The following RAET1E variants were observed in gnomAD, a reference collection of about 807,000 sequenced individuals.
The protein encoded by RAET1E is NKG2D ligand 4.
In RAET1E, 27 loss-of-function variants were observed where a neutral mutation model predicts 21.1. The observed-to-expected ratio is 1.28, with a 90% CI of 0.94 to 1.76. The LOEUF is 1.76. Ranked by LOEUF, RAET1E falls within the 40% of genes most tolerant of loss-of-function variation. The probability of loss-of-function intolerance (pLI) is 0.00; values close to 1 mark genes in which losing one functional copy is unlikely to be tolerated. For synonymous variants in RAET1E, 113 were observed against 115.0 expected, an observed-to-expected ratio of 0.98 and a Z score of 0.11; for missense variants, 310 against 311.3, an observed-to-expected ratio of 1.00 and a Z score of 0.03.
intron 3 of RAET1E, among the ~76,000 whole-genome samples, chr6:149,890,451 G>C (rs1398135619): frequency 2.0e-5 from 3 of 152,200 alleles, no homozygotes; most frequent in Non-Finnish European, 4.4e-5. Context: ...ACAAGCCAGT[G>C]TATGACCTCC....
In RAET1E at chr6:149,890,753, G is replaced by A. The variant is rs968408841; in HGVS notation, c.85+64C>T. The stretch of plus-strand genomic sequence containing the variant: ...CTGAAGCCTGCATGAAGCCCCATTC[G>A]CCTACCCCCTACCTTTCTCCCTCCT... On this transcript the variant is annotated intron_variant, in intron 3 of 5. Transcript: ENST00000357183. 4.0e-5 allele frequency: 46 copies of A among 1,146,108 alleles called. 1 individual carries two copies. Among genetic ancestry groups the A allele is most frequent in the Non-Finnish European group, 5.4e-5 (41 of 759,414 alleles). The allele number at this position is 1,146,108 out of a possible 1,614,324, so 71.0% of individuals were successfully genotyped here.
chr6:149,883,853 C>T lies in RAET1E; in HGVS notation c.*4645G>A, dbSNP rs1777499476. On this transcript the variant is annotated 3_prime_UTR_variant, in exon 6 of 6. Coordinates refer to ENST00000357183, the MANE Select transcript of RAET1E (RefSeq NM_001394057.1). ...CAGTGTAATGTGAATTGCACGTTTG[C>T]TTATGAGTAACTTAGTCTGTGAGAA... 2 of 152,996 alleles carry T rather than the reference C, an allele frequency of 1.3e-5. No homozygotes were observed. The highest frequency in any genetic ancestry group is 4.1e-4 in the South Asian group (2 of 4,848). 9.5% of individuals were successfully genotyped at this position (152,996 alleles called of 1,614,324 possible).
chr6:149,884,297 T>C lies in RAET1E; in HGVS notation c.*4201A>G. The C allele has an allele frequency of 1.7e-6, 1 of 575,770 alleles. No individual in the cohort carries two copies. Among genetic ancestry groups the C allele is most frequent in the Non-Finnish European group, 3.1e-6 (1 of 321,776 alleles). The allele number at this position is 575,770 out of a possible 1,614,324, so 35.7% of individuals were successfully genotyped here. A position where few individuals can be genotyped will look rare whatever the true frequency, so the allele number is the denominator to read the frequency against. ...CCAGCCCTATCTTTTAAAAAATATGTACTGAAAAAAAATTTTTTTTTTTTG... is the reference window on the plus strand; with the variant it reads ...CCAGCCCTATCTTTTAAAAAATATGCACTGAAAAAAAATTTTTTTTTTTTG... On this transcript the variant is annotated 3_prime_UTR_variant, in exon 6 of 6. Transcript: ENST00000357183.
rs973880353 is a variant in RAET1E, at chr6:149,898,014, C to G, written c.-321+7G>C. ...GTTTGGAACACCAGCCATCCCCCACCCCCTACCTTGTGCCAGCAGGAGATG... is the reference window on the plus strand; with the variant it reads ...GTTTGGAACACCAGCCATCCCCCACGCCCTACCTTGTGCCAGCAGGAGATG... On this transcript the variant is annotated splice_region_variant and intron_variant, in intron 1 of 5. Coordinates refer to ENST00000357183, the MANE Select transcript of RAET1E (RefSeq NM_001394057.1). The G allele has an allele frequency of 6.6e-6, 1 of 152,476 alleles. No homozygotes were observed. Among genetic ancestry groups the G allele is most frequent in the Non-Finnish European group, 1.5e-5 (1 of 68,306 alleles). The allele number at this position is 152,476 out of a possible 1,614,324, so 9.4% of individuals were successfully genotyped here.
rs1288064989 is a variant in RAET1E, at chr6:149,887,415, C to T, written c.*1083G>A. On this transcript the variant is annotated 3_prime_UTR_variant, in exon 6 of 6. Transcript: ENST00000357183. Reference sequence around the variant, plus strand: ...AGCATATTCACTCCCTGGGTTCCTGCTGCCATCACACCACCCACCACACGA... The same window carrying T: ...AGCATATTCACTCCCTGGGTTCCTGTTGCCATCACACCACCCACCACACGA... Among the ~76,000 whole-genome samples, 1 of 152,148 alleles carries T rather than the reference C, an allele frequency of 6.6e-6. No individual in the cohort carries two copies. The highest frequency in any genetic ancestry group is 2.4e-5 in the African/African-American group (1 of 41,438).
rs1039998170 is a variant in RAET1E at position 149,883,348 on chromosome 6, G to A, written c.*5150C>T. 75 of 151,144 alleles carry A rather than the reference G, an allele frequency of 5.0e-4. No homozygotes were observed. The highest frequency in any genetic ancestry group is 1.5e-3 in the African/African-American group (63 of 41,208). 9.4% of individuals were successfully genotyped at this position (151,144 alleles called of 1,614,324 possible). A position where few individuals can be genotyped will look rare whatever the true frequency, so the allele number is the denominator to read the frequency against. On this transcript the variant is annotated 3_prime_UTR_variant, in exon 6 of 6. Coordinates refer to ENST00000357183, the MANE Select transcript of RAET1E (RefSeq NM_001394057.1). ...CTATTTTAAAGTAAAATTAAAAAAA[G>A]TACACACACAATTTTTTTTTTTTTT...
intron 2 of RAET1E, among the ~76,000 whole-genome samples, chr6:149,891,888 C>T (rs1777917748): frequency 6.6e-6 from 1 of 152,152 alleles, no homozygotes. Flanking sequence ...AGCCCCCCAC[C>T]CCGTGACAGG....
Position 149,888,004 on chromosome 6 carries a change from C to T in RAET1E, c.*494G>A, listed in dbSNP as rs141853481. Among the ~76,000 whole-genome samples, 417 of 152,198 alleles carry T rather than the reference C, an allele frequency of 2.7e-3. 1 individual carries two copies. Among genetic ancestry groups the T allele is most frequent in the African/African-American group, 9.5e-3 (393 of 41,514 alleles). ...ATCACCTGAGGTCGGGAGTTCAAGA[C>T]GAGCCTGACCAACATGGAGAAACCC... On this transcript the variant is annotated 3_prime_UTR_variant, in exon 6 of 6. Coordinates refer to ENST00000357183, the MANE Select transcript of RAET1E (RefSeq NM_001394057.1).
rs3036672 is a variant in RAET1E at position 149,888,669 on chromosome 6, TA to T, written c.623-3del. On this transcript the variant is annotated splice_polypyrimidine_tract_variant and splice_region_variant and intron_variant, in intron 5 of 5. Coordinates refer to ENST00000357183, the MANE Select transcript of RAET1E (RefSeq NM_001394057.1). Reference sequence around the variant, plus strand: ...TATCTGAAGCATTTACTGGTGACACTAAAAAAAAAAAAAAAAAGAAAAAAAA... The same window carrying T: ...TATCTGAAGCATTTACTGGTGACACTAAAAAAAAAAAAAAAAGAAAAAAAA... 175,932 of 1,254,626 alleles carry T rather than the reference TA, an allele frequency of 0.14. 16 individuals carry two copies. Among genetic ancestry groups the T allele is most frequent in the Middle Eastern group, 0.18 (691 of 3,916 alleles). 77.7% of individuals were successfully genotyped at this position (1,254,626 alleles called of 1,614,324 possible).
In RAET1E at chr6:149,887,931, G is replaced by A. The variant is rs1047768236; in HGVS notation, c.*567C>T. Among the ~76,000 whole-genome samples the A allele has an allele frequency of 6.6e-6, 1 of 152,178 alleles. No individual in the cohort carries two copies. The highest frequency in any genetic ancestry group is 2.4e-5 in the African/African-American group (1 of 41,454). ...TATAATAGTTCTCTCAGCCAGGTGT[G>A]TTGGCTCCCCCTGTAATCCCAGCGC... On this transcript the variant is annotated 3_prime_UTR_variant, in exon 6 of 6. Transcript: ENST00000357183.
chr6:149,897,030 A>G (rs1778142192), intron 1 of RAET1E, among the ~76,000 whole-genome samples: 1 of 152,122 alleles, frequency 6.6e-6, no homozygotes, highest in Non-Finnish European at 1.5e-5. Flanking sequence ...TATGAAGTAG[A>G]TTTTTGTTTG....
At chr6:149,888,729 A>T in intron 5 of RAET1E, 62 bp from the exon 6 acceptor site, 1 of 1,534,078 alleles carries the variant, frequency 6.5e-7, no homozygotes, top group Non-Finnish European at 8.7e-7. Context: ...AAAAAAGCAT[A>T]AAAATATGCT....
At position 149,887,334 on chromosome 6, in the gene RAET1E, G is replaced by T. The variant is rs1442656272; in HGVS notation, c.*1164C>A. 6.6e-6 allele frequency among the ~76,000 whole-genome samples: 1 copy of T among 152,160 alleles called. No homozygotes were observed. Among genetic ancestry groups the T allele is most frequent in the African/African-American group, 2.4e-5 (1 of 41,436 alleles). On this transcript the variant is annotated 3_prime_UTR_variant, in exon 6 of 6. Transcript: ENST00000357183. ...TCCTTCTCAGTCACCTTCCACCAGGGATTAAGGTGGGACCCCTTTGCCTGC... is the reference window on the plus strand; with the variant it reads ...TCCTTCTCAGTCACCTTCCACCAGGTATTAAGGTGGGACCCCTTTGCCTGC...
chr6:149,895,094 G>C (rs1408801138), intron 2 of RAET1E, among the ~76,000 whole-genome samples: 2 of 152,236 alleles, frequency 1.3e-5, no homozygotes, highest in East Asian at 3.8e-4. Context: ...GGAGGCTGCA[G>C]AGCAGCTAAG....
At chr6:149,897,025 A>G (rs1778141950) in intron 1 of RAET1E, among the ~76,000 whole-genome samples, 1 of 152,178 alleles carries the variant, frequency 6.6e-6, no homozygotes, top group Non-Finnish European at 1.5e-5. Flanking sequence ...TTACATATGA[A>G]GTAGATTTTT....
chr6:149,884,349 A>T lies in RAET1E; in HGVS notation c.*4149T>A. ...GACGGAGTCTTGCTCTGTTGCCAAG[A>T]CTGGAATGCAGAGGCGCGATCTCCG... On this transcript the variant is annotated 3_prime_UTR_variant, in exon 6 of 6. Transcript: ENST00000357183. The T allele has an allele frequency of 1.3e-6, 1 of 791,294 alleles. No individual in the cohort carries two copies. The allele number at this position is 791,294 out of a possible 1,614,324, so 49.0% of individuals were successfully genotyped here.
At chr6:149,894,194 G>C (rs932177495) in intron 2 of RAET1E, among the ~76,000 whole-genome samples, 2 of 152,136 alleles carry the variant, frequency 1.3e-5, no homozygotes, top group Non-Finnish European at 2.9e-5. Flanking sequence ...TCAGGATGAT[G>C]CTGGCCTCAT....
At chr6:149,893,796 G>A (rs1172092496) in intron 2 of RAET1E, among the ~76,000 whole-genome samples, 2 of 152,136 alleles carry the variant, frequency 1.3e-5, no homozygotes, top group Non-Finnish European at 2.9e-5. Flanking sequence ...CAAAGGGAAC[G>A]CTTCCAGTTT....
intron 3 of RAET1E, among the ~76,000 whole-genome samples, chr6:149,890,452 T>C (rs1021339582): frequency 9.2e-5 from 14 of 152,206 alleles, no homozygotes; most frequent in Admixed American, 7.2e-4. Flanking sequence ...CAAGCCAGTG[T>C]ATGACCTCCT....
Sources: gnomAD v4.1 joint callset for allele counts (sites outside exome capture counted in the v4.1 genomes callset) on GRCh38, gnomAD v4.1.1 for gene constraint, MANE v1.5 for transcripts, NCBI Gene and HGNC (gene_info 2026-07-23, HGNC 2026-07-21) for gene names.